The following ZIM2 variants were observed in gnomAD, a reference collection of about 807,000 sequenced individuals.
ZIM2 encodes zinc finger imprinted 2.
A neutral mutation model predicts 38.6 loss-of-function variants in ZIM2; 14 were observed. The ratio of observed to expected loss-of-function variants is 0.36; its 90% CI spans 0.24 to 0.57. The LOEUF is 0.57. Ranked by LOEUF, ZIM2 falls within the 20% of genes least tolerant of loss-of-function variation. The pLI, the probability that ZIM2 is intolerant of heterozygous loss-of-function variation, is 0.81. For missense variants in ZIM2, 680 were observed against 695.1 expected, an observed-to-expected ratio of 0.98 and a Z score of 0.24; for synonymous variants, 247 against 245.8, an observed-to-expected ratio of 1.00 and a Z score of -0.04.
chr19:56,813,780 A>G, intron 9 of ZIM2: 1 of 1,613,948 alleles, frequency 6.2e-7, no homozygotes, highest in Non-Finnish European at 8.5e-7. Flanking sequence ...GATTGGCACC[A>G]CCTGTGCTGG....
At chr19:56,827,309 A>G (rs949487834) in intron 2 of ZIM2, among the ~76,000 whole-genome samples, 1 of 152,156 alleles carries the variant, frequency 6.6e-6, no homozygotes, top group Non-Finnish European at 1.5e-5. Context: ...AACATACACA[A>G]TCTTCCCTTA....
chr19:56,832,373 G>A (rs1332370794), intron 2 of ZIM2, among the ~76,000 whole-genome samples: 1 of 151,906 alleles, frequency 6.6e-6, no homozygotes, highest in African/African-American at 2.4e-5. Flanking sequence ...TCCAGTGACT[G>A]TACCACAGAG....
Position 56,775,042 on chromosome 19 carries a change from GTCC to G in ZIM2, c.1320_1322del (p.Glu440del). 6.2e-7 allele frequency: 1 copy of G among 1,614,154 alleles called. No individual in the cohort carries two copies. Reference sequence around the variant, plus strand: ...TGCCGCACTGAAAACATTCAAAGTAGTCCTCCTGACTGTGAATTCTTACACGTT... The same window carrying G: ...TGCCGCACTGAAAACATTCAAAGTAGTCCTGACTGTGAATTCTTACACGTT... On this transcript the variant is annotated inframe_deletion, in exon 13 of 13. Coordinates refer to ENST00000629319, the MANE Select transcript of ZIM2 (RefSeq NM_001387356.1).
At chr19:56,803,735 A>G (rs571511777) in intron 9 of ZIM2, among the ~76,000 whole-genome samples, 1 of 152,366 alleles carries the variant, frequency 6.6e-6, no homozygotes, top group Non-Finnish European at 1.5e-5. Flanking sequence ...AGAAAATAAT[A>G]AAGCCAACCT....
intron 12 of ZIM2, among the ~76,000 whole-genome samples, chr19:56,775,761 G>C (rs1204851127): frequency 2.6e-5 from 4 of 152,058 alleles, no homozygotes; most frequent in African/African-American, 9.7e-5. Flanking sequence ...TATGGAGGTT[G>C]AGAGAGTTTT....
intron 9 of ZIM2, among the ~76,000 whole-genome samples, chr19:56,803,722 TAAAGA>T (rs901491552): frequency 2.9e-4 from 44 of 152,254 alleles, no homozygotes; most frequent in African/African-American, 1.0e-3. Flanking sequence ...TTGAGGTAAT[TAAAGA>T]AAATAATAAA....
chr19:56,791,646 G>A (rs1260541272), intron 9 of ZIM2, among the ~76,000 whole-genome samples: 2 of 152,034 alleles, frequency 1.3e-5, no homozygotes, highest in Middle Eastern at 3.4e-3. Flanking sequence ...GTCCATACTC[G>A]AGCCTTCCCT....
At chr19:56,811,640 G>A in intron 9 of ZIM2, 1 of 985,008 alleles carries the variant, frequency 1.0e-6, no homozygotes, top group Non-Finnish European at 1.2e-6. Flanking sequence ...TACCCACAAA[G>A]TTCACCCCGA....
Position 56,814,562 on chromosome 19 carries a change from G to C in ZIM2, c.490+3184C>G. 1.9e-6 allele frequency: 3 copies of C among 1,613,840 alleles called. No individual in the cohort carries two copies. The highest frequency in any genetic ancestry group is 2.5e-6 in the Non-Finnish European group (3 of 1,179,848). On this transcript the variant is annotated intron_variant, in intron 9 of 12. Coordinates refer to ENST00000629319, the MANE Select transcript of ZIM2 (RefSeq NM_001387356.1). The surrounding 1 kb of genome is among the most constrained non-coding windows in gnomAD (Gnocchi z 5.8). ...GTTACGTGATCTGCAAGTTCTGCTG[G>C]GTTGACGAAAGATTCTCCACAGACT...
rs537350702 is a variant in ZIM2 at position 56,792,162 on chromosome 19, C to A, written c.491-2211G>T. The stretch of plus-strand genomic sequence containing the variant: ...TATATGTTAAAAGCAAAAGCCAAAC[C>A]CACATAGGCATAAAAAGGAATGAAA... On this transcript the variant is annotated intron_variant, in intron 9 of 12. Coordinates refer to ENST00000629319, the MANE Select transcript of ZIM2 (RefSeq NM_001387356.1). Among the ~76,000 whole-genome samples the A allele has an allele frequency of 1.3e-4, 19 of 151,766 alleles. No individual in the cohort carries two copies. In the South Asian group the frequency reaches 3.3e-3, roughly 27 times the overall value.
intron 2 of ZIM2, among the ~76,000 whole-genome samples, chr19:56,830,218 T>C (rs1035933681): frequency 6.6e-6 from 1 of 152,212 alleles, no homozygotes; most frequent in Non-Finnish European, 1.5e-5. Context: ...ATTATTTGCA[T>C]ATAGATGCAA....
At chr19:56,829,325 C>G (rs1411467749) in intron 2 of ZIM2, among the ~76,000 whole-genome samples, 1 of 133,466 alleles carries the variant, frequency 7.5e-6, no homozygotes, top group African/African-American at 2.8e-5. Context: ...GCCTGGGCAA[C>G]AGAGCGAGAC....
At chr19:56,787,350 A>T (rs1044091473) in intron 10 of ZIM2, among the ~76,000 whole-genome samples, 23 of 151,700 alleles carry the variant, frequency 1.5e-4, no homozygotes, top group African/African-American at 5.6e-4. Flanking sequence ...ATCTTGGCTC[A>T]CTGCAACCTC....
At chr19:56,813,217 T>A (rs1159035583) in intron 9 of ZIM2, 3 of 961,896 alleles carry the variant, frequency 3.1e-6, no homozygotes, top group Non-Finnish European at 2.5e-6. Context: ...AAAAAAAAAT[T>A]CAAAGAATAC....
chr19:56,778,370 A>C (rs1205260854), intron 12 of ZIM2, among the ~76,000 whole-genome samples: 1 of 152,232 alleles, frequency 6.6e-6, no homozygotes, highest in African/African-American at 2.4e-5. Flanking sequence ...TTTTGTTTGG[A>C]CATCCACTTT....
Position 56,836,075 on chromosome 19 carries a change from CAAG to C in ZIM2, c.-287_-285del, listed in dbSNP as rs2062071211. The C allele has an allele frequency of 2.0e-6, 1 of 501,988 alleles. No individual in the cohort carries two copies. The highest frequency in any genetic ancestry group is 3.2e-4 in the Middle Eastern group (1 of 3,134). 31.1% of individuals were successfully genotyped at this position (501,988 alleles called of 1,614,324 possible). ...CCCTCTTCCTCTCGCCAGTCGTCTC[CAAG>C]AAGGACGGAAGATCAAGAAGGCAAA... On this transcript the variant is annotated 5_prime_UTR_variant, in exon 2 of 13. Transcript: ENST00000629319.
chr19:56,810,956 G>A (rs1462918035), intron 9 of ZIM2: 1 of 969,846 alleles, frequency 1.0e-6, no homozygotes, highest in Non-Finnish European at 1.2e-6. Flanking sequence ...TAAAGTGAAA[G>A]TATTTAACCA....
intron 4 of ZIM2, 64 bp from the exon 5 acceptor site, chr19:56,823,743 A>G (rs2060737442): frequency 2.6e-6 from 4 of 1,568,482 alleles, no homozygotes; most frequent in East Asian, 2.2e-5. Context: ...GTTCCCCCCA[A>G]TCCCTGAGCC....
chr19:56,802,482 C>T (rs2047569361), intron 9 of ZIM2, among the ~76,000 whole-genome samples: 1 of 152,134 alleles, frequency 6.6e-6, no homozygotes, highest in African/African-American at 2.4e-5. Context: ...CTCCTATCCT[C>T]CGTGTTAAGA....
Sources: gnomAD v4.1 joint callset for allele counts (sites outside exome capture counted in the v4.1 genomes callset) on GRCh38, gnomAD v4.1.1 for gene constraint, Gnocchi (gnomAD v3.1) non-coding constraint, MANE v1.5 for transcripts, NCBI Gene and HGNC (gene_info 2026-07-23, HGNC 2026-07-21) for gene names.